The following DNM1L variants were observed in gnomAD, a reference collection of about 807,000 sequenced individuals.
DNM1L encodes dynamin 1L.
DNM1L carries 33 observed loss-of-function variants against 92.8 expected under a neutral mutation model. The ratio of observed to expected loss-of-function variants is 0.36; its 90% CI spans 0.27 to 0.48. DNM1L has a LOEUF of 0.48. Ranked by LOEUF, DNM1L falls within the 20% of genes least tolerant of loss-of-function variation. The probability of loss-of-function intolerance (pLI) is 0.99; values close to 1 mark genes in which losing one functional copy is unlikely to be tolerated. For missense variants in DNM1L, 485 were observed against 888.8 expected (o/e 0.55, Z 5.78); for synonymous variants, 284 against 305.0 (o/e 0.93, Z 0.72).
intron 5 of DNM1L, 75 bp downstream of exon 5, chr12:32,711,090 T>G (rs1953108119): frequency 5.5e-6 from 7 of 1,267,240 alleles, no homozygotes; most frequent in South Asian, 4.8e-5. Flanking sequence ...ATAATCAGCT[T>G]CTTTTTGCAA....
intron 14 of DNM1L, chr12:32,737,424 T>G (rs2137565290): frequency 4.4e-6 from 2 of 458,494 alleles, no homozygotes; most frequent in East Asian, 4.0e-5. Context: ...TTAAAAAAAT[T>G]CAGTCAGTGA....
chr12:32,714,737 A>C (rs945259764), intron 6 of DNM1L, among the ~76,000 whole-genome samples: 1 of 151,886 alleles, frequency 6.6e-6, no homozygotes, highest in Non-Finnish European at 1.5e-5. Context: ...CGTAATACCA[A>C]GCACTTTGGG....
At chr12:32,713,167 A>C in intron 5 of DNM1L, 42 bp from the exon 6 acceptor site, 1 of 1,610,218 alleles carries the variant, frequency 6.2e-7, no homozygotes, top group Non-Finnish European at 8.5e-7. Flanking sequence ...AGCTGAGTTG[A>C]TTTTTAATTA....
At chr12:32,709,254 A>G (rs1953035414) in intron 4 of DNM1L, among the ~76,000 whole-genome samples, 1 of 152,182 alleles carries the variant, frequency 6.6e-6, no homozygotes, top group Admixed American at 6.5e-5. Flanking sequence ...GCCAGAAACT[A>G]GATTAGCTTA....
chr12:32,738,423 G>A (rs555504423), intron 16 of DNM1L, 127 bp downstream of exon 16: 7 of 1,042,008 alleles, frequency 6.7e-6, no homozygotes, highest in African/African-American at 3.2e-5. Context: ...TGTTCTTAAT[G>A]TTCCTTTTAT....
chr12:32,697,899 G>A (rs1025969381), intron 1 of DNM1L, among the ~76,000 whole-genome samples: 36 of 151,470 alleles, frequency 2.4e-4, no homozygotes, highest in African/African-American at 5.3e-4. Context: ...AAAAAAGAAC[G>A]TAAAATATTA....
At position 32,730,488 on chromosome 12, in the gene DNM1L, A is replaced by C. The variant is rs188057071; in HGVS notation, c.1080-526A>C. Among the ~76,000 whole-genome samples, 565 of 152,360 alleles carry C rather than the reference A, an allele frequency of 3.7e-3. 5 individuals carry two copies. The highest frequency in any genetic ancestry group is 0.012 in the African/African-American group (508 of 41,596). On this transcript the variant is annotated intron_variant, in intron 9 of 19. Transcript: ENST00000549701. ...GAGGTCAAGGCGGGCGGATCACTTG[A>C]GGTCAGGAGTTTGAGACAAGCCTGG...
At chr12:32,717,296 T>G (rs866055692) in intron 6 of DNM1L, among the ~76,000 whole-genome samples, 1 of 87,564 alleles carries the variant, frequency 1.1e-5, no homozygotes, top group Non-Finnish European at 2.0e-5. Context: ...ACTATATATT[T>G]TATATATACT....
At chr12:32,701,758 T>C (rs1952709619) in intron 2 of DNM1L, among the ~76,000 whole-genome samples, 196 bp downstream of exon 2, 1 of 151,750 alleles carries the variant, frequency 6.6e-6, no homozygotes, top group Non-Finnish European at 1.5e-5. Flanking sequence ...ACGGAGGTCT[T>C]ACTCTGTCGC....
intron 9 of DNM1L, among the ~76,000 whole-genome samples, chr12:32,724,725 T>A (rs2137466660): frequency 6.7e-6 from 1 of 148,486 alleles, no homozygotes; most frequent in Non-Finnish European, 1.5e-5. Context: ...TAACTGATAG[T>A]TTAGTTTGAT....
At chr12:32,741,339 G>A (rs1270166003) in intron 18 of DNM1L, among the ~76,000 whole-genome samples, 1 of 152,218 alleles carries the variant, frequency 6.6e-6, no homozygotes, top group African/African-American at 2.4e-5. Context: ...AGGCTGGGGT[G>A]CAGTGGCGCA....
At chr12:32,693,373 T>G (rs1952303720) in intron 1 of DNM1L, among the ~76,000 whole-genome samples, 1 of 152,236 alleles carries the variant, frequency 6.6e-6, no homozygotes, top group African/African-American at 2.4e-5. Flanking sequence ...TACATTTTGG[T>G]TACCAGTTAC....
intron 9 of DNM1L, among the ~76,000 whole-genome samples, chr12:32,730,572 T>A (rs963075836): frequency 6.6e-6 from 1 of 152,166 alleles, no homozygotes. Flanking sequence ...TGCTTAATGG[T>A]AGAGTTGAGT....
chr12:32,711,163 CTTTACTTGGCTTCCAGGA>C (rs1047912310), intron 5 of DNM1L, 148 bp downstream of exon 5: 7 of 699,806 alleles, frequency 1.0e-5, no homozygotes, highest in African/African-American at 3.5e-5. Flanking sequence ...GAAACACTTT[CTTTACTTGGCTTCCAGGA>C]TACCACACTC....
intron 1 of DNM1L, among the ~76,000 whole-genome samples, chr12:32,681,567 C>T (rs1302063011): frequency 1.4e-4 from 20 of 140,742 alleles, no homozygotes; most frequent in Admixed American, 7.1e-4. Context: ...CCCACACCGC[C>T]CCCCCCGCCC....
At chr12:32,718,026 AAATATATACT>A (rs1487791111) in intron 6 of DNM1L, among the ~76,000 whole-genome samples, 6 of 127,200 alleles carry the variant, frequency 4.7e-5, no homozygotes, top group African/African-American at 1.8e-4. Flanking sequence ...TATATATTAT[AAATATATACT>A]ATACATACTA....
intron 9 of DNM1L, among the ~76,000 whole-genome samples, chr12:32,729,853 G>C (rs755023760): frequency 5.9e-5 from 9 of 152,088 alleles, no homozygotes; most frequent in Middle Eastern, 3.2e-3. Context: ...GCTTACTTCT[G>C]TTAGCATAAT....
rs569462641 is a variant in DNM1L at position 32,743,540 on chromosome 12, A to C, written c.*130A>C. The C allele has an allele frequency of 6.8e-5, 58 of 853,890 alleles. No homozygotes were observed. The highest frequency in any genetic ancestry group is 1.0e-4 in the Non-Finnish European group (55 of 531,622). 52.9% of individuals were successfully genotyped at this position (853,890 alleles called of 1,614,324 possible). A position where few individuals can be genotyped will look rare whatever the true frequency, so the allele number is the denominator to read the frequency against. ...ATCTGCTCATGTGGAGACTGGCTAT[A>C]AACTGAAAAGTGTATTCCAAATTGC... On this transcript the variant is annotated 3_prime_UTR_variant, in exon 20 of 20. Coordinates refer to ENST00000549701, the MANE Select transcript of DNM1L (RefSeq NM_012062.5).
rs1190842429 is a variant in DNM1L at position 32,713,075 on chromosome 12, T to C, written c.457-134T>C. ...ACCAGATTCATAAATACCATTGTAG[T>C]ATATTAGTAATGTCTTTATTTTTAT... On this transcript the variant is annotated intron_variant, in intron 5 of 19. Transcript: ENST00000549701. 10 of 798,856 alleles carry C rather than the reference T, an allele frequency of 1.3e-5. No individual in the cohort carries two copies. The East Asian group carries it at 2.2e-4, about 17-fold the overall frequency. The allele number at this position is 798,856 out of a possible 1,614,324, so 49.5% of individuals were successfully genotyped here.
Sources: allele counts gnomAD v4.1 joint callset (sites outside exome capture counted in the v4.1 genomes callset), GRCh38; gene constraint gnomAD v4.1.1; transcripts MANE v1.5; gene names NCBI Gene and HGNC (gene_info 2026-07-23, HGNC 2026-07-21).